The following CDH13 variants were observed in gnomAD, a reference collection of about 807,000 sequenced individuals.
The protein encoded by CDH13 is cadherin-13.
In CDH13, 24 loss-of-function variants were observed where a neutral mutation model predicts 63.8. The observed-to-expected ratio is 0.38, with a 90% CI of 0.27 to 0.53. The LOEUF is 0.53. Among genes scored for constraint, CDH13 ranks in the 20% least tolerant of loss-of-function variants. CDH13 has a pLI of 0.85. For synonymous variants in CDH13, 503 were observed against 355.3 expected (o/e 1.42, Z -4.67); for missense variants, 1,049 against 903.1 (o/e 1.16, Z -2.07).
rs545427983 is a variant in CDH13 at position 83,002,591 on chromosome 16, A to C, written c.158-29419A>C. Among the ~76,000 whole-genome samples the C allele has an allele frequency of 1.1e-4, 17 of 152,374 alleles. No individual in the cohort carries two copies. In the East Asian group the frequency reaches 2.3e-3, roughly 21 times the overall value. ...TGATGTGTTCATTCTCGCTTGGTGCAGACAGGCAATAAACAAATAAAATGT... is the reference window on the plus strand; with the variant it reads ...TGATGTGTTCATTCTCGCTTGGTGCCGACAGGCAATAAACAAATAAAATGT... On this transcript the variant is annotated intron_variant, in intron 2 of 13. Transcript: ENST00000567109.
intron 5 of CDH13, among the ~76,000 whole-genome samples, chr16:83,223,894 G>C (rs900627190): frequency 6.6e-6 from 1 of 152,126 alleles, no homozygotes; most frequent in Admixed American, 6.5e-5. Flanking sequence ...GCATGAGTAA[G>C]TTCTTTAGTG....
intron 3 of CDH13, among the ~76,000 whole-genome samples, chr16:83,078,127 T>C (rs532274971): frequency 1.3e-5 from 2 of 152,250 alleles, no homozygotes; most frequent in Admixed American, 1.3e-4. Context: ...GCGTGCATGG[T>C]TCGGGGGTCA....
At chr16:83,270,509 T>C (rs1440306388) in intron 5 of CDH13, among the ~76,000 whole-genome samples, 2 of 152,176 alleles carry the variant, frequency 1.3e-5, no homozygotes, top group African/African-American at 4.8e-5. Flanking sequence ...GCAGAGAGCA[T>C]CAATTATCAA....
chr16:83,529,146 G>A (rs1031090420), intron 7 of CDH13, among the ~76,000 whole-genome samples: 38 of 150,072 alleles, frequency 2.5e-4, no homozygotes, highest in African/African-American at 8.1e-4. Flanking sequence ...GCTTCTTCAG[G>A]AAGTTAAGCC....
In CDH13 at chr16:82,644,811, C is replaced by G. The variant is rs138297595; in HGVS notation, c.45+17674C>G. Among the ~76,000 whole-genome samples, 35 of 152,300 alleles carry G rather than the reference C, an allele frequency of 2.3e-4. No homozygotes were observed. Among genetic ancestry groups the G allele is most frequent in the African/African-American group, 8.4e-4 (35 of 41,578 alleles). On this transcript the variant is annotated intron_variant, in intron 1 of 13. Transcript: ENST00000567109. The surrounding 1 kb of genome is among the most constrained non-coding windows in gnomAD (Gnocchi z 5.7). ...CGCAAAGCCACGTAAGTGTCTGATTCAGTCCTCCCTGGTCAGTTTTCCAGC... is the reference window on the plus strand; with the variant it reads ...CGCAAAGCCACGTAAGTGTCTGATTGAGTCCTCCCTGGTCAGTTTTCCAGC...
chr16:83,054,144 G>T (rs536424844), intron 3 of CDH13, among the ~76,000 whole-genome samples: 2 of 152,270 alleles, frequency 1.3e-5, no homozygotes, highest in Admixed American at 6.5e-5. Context: ...TACCATCTAG[G>T]TTTATATAAG....
chr16:82,694,278 A>C (rs188155440), intron 1 of CDH13, among the ~76,000 whole-genome samples: 13 of 152,342 alleles, frequency 8.5e-5, no homozygotes, highest in Admixed American at 4.6e-4. Context: ...CTCCAAGTAC[A>C]TGAGATTGAA....
At chr16:83,386,858 G>C (rs1313299874) in intron 6 of CDH13, among the ~76,000 whole-genome samples, 1 of 152,134 alleles carries the variant, frequency 6.6e-6, no homozygotes, top group Non-Finnish European at 1.5e-5. Context: ...CTCTGCTCTA[G>C]TCATCACTTC....
At chr16:83,751,689 A>G (rs558623821) in intron 11 of CDH13, among the ~76,000 whole-genome samples, 3 of 152,350 alleles carry the variant, frequency 2.0e-5, no homozygotes, top group Non-Finnish European at 1.5e-5. Context: ...AGCATAACAT[A>G]AACGGACCAG....
At chr16:82,710,553 ATATATAT>A (rs1370626069) in intron 1 of CDH13, among the ~76,000 whole-genome samples, 32 of 46,774 alleles carry the variant, frequency 6.8e-4, no homozygotes, top group African/African-American at 1.6e-3. Context: ...AAAAAAAAAA[ATATATAT>A]ATATATATAT....
At position 83,058,111 on chromosome 16, in the gene CDH13, C is replaced by T. The variant is rs189672591; in HGVS notation, c.366+25893C>T. On this transcript the variant is annotated intron_variant, in intron 3 of 13. Coordinates refer to ENST00000567109, the MANE Select transcript of CDH13 (RefSeq NM_001257.5). ...CTTAAAAATATAAATCGTTAAATGT[C>T]ATTCTTTAGCTCTAAATACAAAGTT... is the stretch of plus-strand genomic sequence containing the variant. Among the ~76,000 whole-genome samples the T allele has an allele frequency of 4.7e-4, 71 of 152,260 alleles. 2 individuals are homozygous for T. In the South Asian group the frequency reaches 7.5e-3, roughly 16 times the overall value.
intron 7 of CDH13, among the ~76,000 whole-genome samples, chr16:83,538,646 G>A (rs577960183): frequency 9.8e-5 from 15 of 152,306 alleles, no homozygotes; most frequent in East Asian, 5.8e-4. Flanking sequence ...ACTTAGTAGC[G>A]CTGACGATCA....
At chr16:83,149,372 G>T (rs1017574682) in intron 4 of CDH13, among the ~76,000 whole-genome samples, 2 of 152,172 alleles carry the variant, frequency 1.3e-5, no homozygotes, top group Non-Finnish European at 2.9e-5. Flanking sequence ...CTCATGAGGC[G>T]ATGTTAACTT....
At chr16:82,925,467 C>T (rs1464589063) in intron 2 of CDH13, among the ~76,000 whole-genome samples, 2 of 152,150 alleles carry the variant, frequency 1.3e-5, no homozygotes, top group African/African-American at 4.8e-5. Context: ...TCAGCATTGC[C>T]CTGACATCCC....
intron 6 of CDH13, among the ~76,000 whole-genome samples, chr16:83,370,385 T>A (rs1429437622): frequency 9.7e-5 from 14 of 144,942 alleles, no homozygotes; most frequent in Non-Finnish European, 1.8e-4. Context: ...GAGACTCCAT[T>A]TCAAAAAAAA....
intron 3 of CDH13, among the ~76,000 whole-genome samples, chr16:83,044,939 C>T (rs1457556926): frequency 6.6e-6 from 1 of 152,150 alleles, no homozygotes; most frequent in Non-Finnish European, 1.5e-5. Context: ...TGTACATTTT[C>T]TAGGCTCTCT....
chr16:83,506,409 A>G (rs1409672129), intron 7 of CDH13, among the ~76,000 whole-genome samples: 1 of 152,206 alleles, frequency 6.6e-6, no homozygotes, highest in Non-Finnish European at 1.5e-5. Context: ...TGACAGATGC[A>G]GTGCCTTCCT....
intron 5 of CDH13, among the ~76,000 whole-genome samples, chr16:83,267,988 C>T (rs2088677582): frequency 6.6e-6 from 1 of 152,110 alleles, no homozygotes. Flanking sequence ...TCAAGCTTTA[C>T]TCATTTAGAG....
rs185065040 is a variant in CDH13 at position 83,228,007 on chromosome 16, C to T, written c.636+10510C>T. 8.5e-5 allele frequency among the ~76,000 whole-genome samples: 13 copies of T among 152,136 alleles called. No homozygotes were observed. In the East Asian group the frequency reaches 1.6e-3, roughly 18 times the overall value. ...TAAGTGCTGGGAATAGACACGGAGC[C>T]GATAAAAGATATAGGGTGGTGGGAG... On this transcript the variant is annotated intron_variant, in intron 5 of 13. Transcript: ENST00000567109.
Sources: gnomAD v4.1 joint callset for allele counts (sites outside exome capture counted in the v4.1 genomes callset) on GRCh38, gnomAD v4.1.1 for gene constraint, Gnocchi (gnomAD v3.1) non-coding constraint, MANE v1.5 for transcripts, NCBI Gene and HGNC (gene_info 2026-07-23, HGNC 2026-07-21) for gene names.